Variants in XNDC1N observed in about 807,000 individuals in gnomAD.
XNDC1N encodes XRCC1 N-terminal domain containing 1, N-terminal like, also known as protein XNDC1N.
At chr11:71,925,098 G>A in the XNDC1N span, among the ~76,000 whole-genome samples, 1 of 151,568 alleles carries the variant, frequency 6.6e-6, no homozygotes, top group Admixed American at 6.6e-5. Context: ...TGCATCTTTG[G>A]TGCTCAAATG....
chr11:71,872,332 T>C, the XNDC1N span, among the ~76,000 whole-genome samples: 38 of 152,258 alleles, frequency 2.5e-4, no homozygotes, highest in Non-Finnish European at 3.7e-4. Flanking sequence ...CACTACATTT[T>C]GGAAAACCTT....
At chr11:71,876,042 A>AATAG in the XNDC1N span, among the ~76,000 whole-genome samples, 1 of 152,162 alleles carries the variant, frequency 6.6e-6, no homozygotes, top group Non-Finnish European at 1.5e-5. Flanking sequence ...TAAATAAATA[A>AATAG]GAAAAAGAAA....
chr11:71,911,520 T>G, the XNDC1N span, among the ~76,000 whole-genome samples: 1 of 142,546 alleles, frequency 7.0e-6, no homozygotes, highest in African/African-American at 2.5e-5. Flanking sequence ...TGGACACTGT[T>G]GTTGAAGCCA....
the XNDC1N span, among the ~76,000 whole-genome samples, chr11:71,900,303 G>A: frequency 6.6e-6 from 1 of 152,188 alleles, no homozygotes; most frequent in African/African-American, 2.4e-5. Context: ...CTTTGTCTCT[G>A]TGTATTATTT....
At chr11:71,902,751 G>A in the XNDC1N span, among the ~76,000 whole-genome samples, 1 of 152,114 alleles carries the variant, frequency 6.6e-6, no homozygotes, top group Admixed American at 6.5e-5. Flanking sequence ...CTAAATCAAG[G>A]GAATTTGTAT....
the XNDC1N span, among the ~76,000 whole-genome samples, chr11:71,875,756 T>C: frequency 6.6e-6 from 1 of 152,222 alleles, no homozygotes; most frequent in Non-Finnish European, 1.5e-5. Flanking sequence ...GCCGGGCACG[T>C]AGCTCACTGC....
the XNDC1N span, among the ~76,000 whole-genome samples, chr11:71,908,909 T>G: frequency 2.6e-5 from 4 of 152,240 alleles, no homozygotes; most frequent in South Asian, 6.2e-4. Flanking sequence ...AAAGAGGGGA[T>G]ATGCAAAGGC....
chr11:71,866,822 C>A, the XNDC1N span, among the ~76,000 whole-genome samples: 1 of 151,518 alleles, frequency 6.6e-6, no homozygotes, highest in Non-Finnish European at 1.5e-5. Context: ...TACTCTCAGA[C>A]CTTTGCCAGT....
the XNDC1N span, among the ~76,000 whole-genome samples, chr11:71,877,069 G>A: frequency 1.3e-5 from 2 of 152,186 alleles, no homozygotes; most frequent in Non-Finnish European, 2.9e-5. Flanking sequence ...CTAAGACTTG[G>A]GAAGTTTGCC....
At chr11:71,927,752 C>T in the XNDC1N span, 1 of 152,146 alleles carries the variant, frequency 6.6e-6, no homozygotes, top group African/African-American at 2.4e-5. Context: ...GCAAATAAAT[C>T]ATAATGCCAG....
At chr11:71,919,628 T>G in the XNDC1N span, among the ~76,000 whole-genome samples, 3 of 84,884 alleles carry the variant, frequency 3.5e-5, no homozygotes, top group African/African-American at 1.1e-4. Context: ...TTTGTTTTTT[T>G]TTTTTTTGAG....
chr11:71,917,030 T>A, the XNDC1N span: 26 of 185,758 alleles, frequency 1.4e-4, no homozygotes, highest in East Asian at 2.9e-3. Flanking sequence ...TATTATTATT[T>A]GAGACAGAGT....
chr11:71,909,252 G>A, the XNDC1N span, among the ~76,000 whole-genome samples: 1 of 151,702 alleles, frequency 6.6e-6, no homozygotes, highest in African/African-American at 2.4e-5. Flanking sequence ...AAGCCGTAAG[G>A]AAAACGGCAA....
chr11:71,875,698 T>C, the XNDC1N span, among the ~76,000 whole-genome samples: 19 of 151,890 alleles, frequency 1.3e-4, no homozygotes, highest in Non-Finnish European at 2.2e-4. Context: ...CTTGAGGATA[T>C]TGACAGACTT....
the XNDC1N span, chr11:71,893,455 C>G: frequency 2.9e-3 from 2,120 of 721,178 alleles, no homozygotes; most frequent in South Asian, 4.1e-3. Flanking sequence ...CTCAAGGTGT[C>G]CAAGACACAC....
the XNDC1N span, among the ~76,000 whole-genome samples, chr11:71,895,611 G>C: frequency 6.6e-6 from 1 of 152,028 alleles, no homozygotes; most frequent in African/African-American, 2.4e-5. Context: ...ACAGGCATGC[G>C]CGACCGCGCC....
chr11:71,884,644 AT>A, the XNDC1N span: 1 of 1,492,228 alleles, frequency 6.7e-7, no homozygotes, highest in Non-Finnish European at 9.1e-7. Context: ...AACATGATAG[AT>A]GAAAATTATT....
the XNDC1N span, among the ~76,000 whole-genome samples, chr11:71,895,546 T>A: frequency 6.6e-6 from 1 of 150,510 alleles, no homozygotes; most frequent in Non-Finnish European, 1.5e-5. Context: ...AGGCTGGTCT[T>A]GAACTCCCGA....
chr11:71,909,351 A>G, the XNDC1N span, among the ~76,000 whole-genome samples: 3,748 of 142,876 alleles, frequency 0.026, 137 homozygotes, highest in African/African-American at 0.055. Flanking sequence ...AAGGGAAGGG[A>G]GGCCCTGGGA....
Sources: allele counts gnomAD v4.1 joint callset (sites outside exome capture counted in the v4.1 genomes callset), GRCh38; gene constraint gnomAD v4.1.1; transcripts MANE v1.5; gene names NCBI Gene and HGNC (gene_info 2026-07-23, HGNC 2026-07-21).